VPS13B: variants seen among roughly 807,000 people sequenced by gnomAD.
VPS13B encodes intermembrane lipid transfer protein VPS13B.
In VPS13B, 285 loss-of-function variants were observed where a neutral mutation model predicts 426.4. The observed-to-expected ratio is 0.67, with a 90% CI of 0.61 to 0.74. The LOEUF (loss-of-function observed/expected upper bound fraction) is 0.74, where lower values mean the gene tolerates loss of function less well. VPS13B is among the 30% of genes least tolerant of loss of function. The probability of loss-of-function intolerance (pLI) is 0.00; values close to 1 mark genes in which losing one functional copy is unlikely to be tolerated. For synonymous variants in VPS13B, 1,676 were observed against 1,676.4 expected (o/e 1.00, Z 0.01); for missense variants, 4,537 against 4,782.6 (o/e 0.95, Z 1.51).
At chr8:99,312,977 G>A (rs1181619338) in intron 19 of VPS13B, among the ~76,000 whole-genome samples, 2 of 152,184 alleles carry the variant, frequency 1.3e-5, no homozygotes, top group African/African-American at 4.8e-5. Context: ...GGAAGGTTGT[G>A]CATTTGTCAC....
chr8:99,609,243 G>A (rs1035927216), intron 33 of VPS13B, among the ~76,000 whole-genome samples: 4 of 152,064 alleles, frequency 2.6e-5, no homozygotes, highest in Non-Finnish European at 1.5e-5. Flanking sequence ...GAAAATATTT[G>A]TTTAGTTAGT....
At chr8:99,732,556 T>C (rs182225685) in intron 39 of VPS13B, among the ~76,000 whole-genome samples, 1 of 152,298 alleles carries the variant, frequency 6.6e-6, no homozygotes, top group African/African-American at 2.4e-5. Flanking sequence ...AGAGGAGATA[T>C]TGGGAGACAA....
chr8:99,564,541 GGAA>G (rs1158430266), intron 31 of VPS13B, among the ~76,000 whole-genome samples: 4 of 152,168 alleles, frequency 2.6e-5, no homozygotes, highest in Non-Finnish European at 4.4e-5. Flanking sequence ...TCAAGAGTCA[GGAA>G]GAAGAAGTGA....
intron 25 of VPS13B, among the ~76,000 whole-genome samples, chr8:99,495,121 G>A (rs1820817224): frequency 6.6e-6 from 1 of 151,960 alleles, no homozygotes; most frequent in East Asian, 1.9e-4. Context: ...CTTTATTAAA[G>A]GATAACCCCA....
intron 33 of VPS13B, among the ~76,000 whole-genome samples, chr8:99,623,422 T>A (rs1828453828): frequency 6.6e-6 from 1 of 152,210 alleles, no homozygotes; most frequent in Non-Finnish European, 1.5e-5. Context: ...TTTGTGACAT[T>A]TCCCTACCTC....
chr8:99,095,064 C>T (rs555864261), intron 3 of VPS13B, among the ~76,000 whole-genome samples: 53 of 152,236 alleles, frequency 3.5e-4, no homozygotes, highest in African/African-American at 1.3e-3. Flanking sequence ...CGTGAAAGAG[C>T]AATTTATTTT....
At chr8:99,268,037 A>G (rs1256390998) in intron 17 of VPS13B, among the ~76,000 whole-genome samples, 1 of 152,212 alleles carries the variant, frequency 6.6e-6, no homozygotes, top group African/African-American at 2.4e-5. Flanking sequence ...ATGTTGCTTC[A>G]GAGGGTGTAA....
intron 28 of VPS13B, among the ~76,000 whole-genome samples, chr8:99,508,115 A>C (rs1296691839): frequency 2.0e-5 from 3 of 152,172 alleles, no homozygotes; most frequent in Non-Finnish European, 4.4e-5. Context: ...GTACAGACTA[A>C]TTTTACCTCA....
intron 36 of VPS13B, among the ~76,000 whole-genome samples, chr8:99,703,072 G>C (rs1832350939): frequency 6.6e-6 from 1 of 152,124 alleles, no homozygotes; most frequent in South Asian, 2.1e-4. Flanking sequence ...AAAGTGGTAA[G>C]TTAATTTTCT....
chr8:99,154,030 A>C (rs188225825), intron 14 of VPS13B, among the ~76,000 whole-genome samples: 2 of 151,930 alleles, frequency 1.3e-5, no homozygotes, highest in Admixed American at 1.3e-4. Flanking sequence ...TTTTGAGTGG[A>C]GGTCAGGTAT....
intron 3 of VPS13B, chr8:99,092,018 T>C (rs185460945): frequency 1.1e-3 from 160 of 152,312 alleles, no homozygotes; most frequent in African/African-American, 3.7e-3. Context: ...TGTAGTCACT[T>C]GTTTTCAGTT....
At chr8:99,529,341 T>C (rs961440188) in intron 30 of VPS13B, among the ~76,000 whole-genome samples, 1 of 152,176 alleles carries the variant, frequency 6.6e-6, no homozygotes, top group Non-Finnish European at 1.5e-5. Context: ...AACTCAATAA[T>C]GTATTGTGGT....
chr8:99,316,106 G>A (rs1158805161), intron 19 of VPS13B, among the ~76,000 whole-genome samples: 1 of 152,200 alleles, frequency 6.6e-6, no homozygotes, highest in Non-Finnish European at 1.5e-5. Context: ...GGAAGGCAGG[G>A]TTGCTTTCAG....
At chr8:99,206,452 C>T (rs1012023681) in intron 17 of VPS13B, among the ~76,000 whole-genome samples, 38 of 152,104 alleles carry the variant, frequency 2.5e-4, no homozygotes, top group African/African-American at 6.3e-4. Context: ...GCTTTCTCAG[C>T]GCAGTAGCAT....
intron 23 of VPS13B, among the ~76,000 whole-genome samples, chr8:99,457,297 G>T (rs1818529747): frequency 6.6e-6 from 1 of 152,154 alleles, no homozygotes; most frequent in Non-Finnish European, 1.5e-5. Context: ...CTCCCTAAGT[G>T]CTGGGATTAC....
At position 99,111,277 on chromosome 8, in the gene VPS13B, A is replaced by G. The variant is rs910393433; in HGVS notation, c.760A>G (p.Lys254Glu). 2 of 1,600,702 alleles carry G rather than the reference A, an allele frequency of 1.2e-6. No homozygotes were observed. The highest frequency in any genetic ancestry group is 1.7e-6 in the Non-Finnish European group (2 of 1,174,526). ...AAATTCCAAGATGCCATCTGTTATTAAAGTAGGTATCTCTTTTTTTTGCAG... is the reference window on the plus strand; with the variant it reads ...AAATTCCAAGATGCCATCTGTTATTGAAGTAGGTATCTCTTTTTTTTGCAG... ...NLNSKMPSVI[K>E]IHTLVESLKL... is the part of the protein sequence containing the mutation. The change falls in exon 6 of 62, where the codon AAA becomes GAA. Residue 254 changes from lysine (K) to glutamate (E), a missense_variant and splice_region_variant. Coordinates refer to ENST00000357162, the MANE Select transcript of VPS13B (RefSeq NM_152564.5).
At chr8:99,337,638 G>A (rs1810994154) in intron 19 of VPS13B, among the ~76,000 whole-genome samples, 1 of 151,506 alleles carries the variant, frequency 6.6e-6, no homozygotes, top group Non-Finnish European at 1.5e-5. Context: ...TCAGCTATAT[G>A]TGTGCATAAT....
intron 33 of VPS13B, among the ~76,000 whole-genome samples, chr8:99,605,103 T>C (rs1207871170): frequency 6.6e-6 from 1 of 152,232 alleles, no homozygotes; most frequent in East Asian, 1.9e-4. Context: ...ATTTGCACTA[T>C]GTTATTTGGC....
chr8:99,143,687 A>G (rs569222468), intron 13 of VPS13B, among the ~76,000 whole-genome samples: 44 of 152,344 alleles, frequency 2.9e-4, no homozygotes, highest in African/African-American at 1.1e-3. Flanking sequence ...GAAGTATAAG[A>G]TAATGAAGAA....
Sources: allele counts gnomAD v4.1 joint callset (sites outside exome capture counted in the v4.1 genomes callset), GRCh38; gene constraint gnomAD v4.1.1; transcripts MANE v1.5; gene names NCBI Gene and HGNC (gene_info 2026-07-23, HGNC 2026-07-21).